RPS6KC1: variants seen among roughly 807,000 people sequenced by gnomAD.
RPS6KC1 encodes the protein inactive ribosomal protein S6 kinase delta-1.
RPS6KC1 carries 54 observed loss-of-function variants against 103.8 expected under a neutral mutation model. That is an observed-to-expected ratio of 0.52 (90% CI 0.42 to 0.65). The LOEUF is 0.65. Among genes scored for constraint, RPS6KC1 ranks in the 30% least tolerant of loss-of-function variants. The pLI, the probability that RPS6KC1 is intolerant of heterozygous loss-of-function variation, is 0.00. For missense variants in RPS6KC1, 1,151 were observed against 1,253.8 expected, an observed-to-expected ratio of 0.92 and a Z score of 1.24; for synonymous variants, 439 against 438.7, an observed-to-expected ratio of 1.00 and a Z score of -0.01.
the RPS6KC1 span, among the ~76,000 whole-genome samples, chr1:213,490,564 A>T: frequency 6.6e-6 from 1 of 152,114 alleles, no homozygotes; most frequent in Non-Finnish European, 1.5e-5. Flanking sequence ...AGTGCAGCAG[A>T]TGGCCCCTTC....
At chr1:213,841,296 T>C in the RPS6KC1 span, 1 of 152,112 alleles carries the variant, frequency 6.6e-6, no homozygotes, top group Non-Finnish European at 1.5e-5. Context: ...TAGCAAGTTG[T>C]TTTTAAAACA....
At chr1:213,084,768 C>A (rs1477884015) in intron 3 of RPS6KC1, among the ~76,000 whole-genome samples, 1 of 151,894 alleles carries the variant, frequency 6.6e-6, no homozygotes, top group East Asian at 1.9e-4. Context: ...GCCTCTCTAT[C>A]CATATCCCTT....
chr1:213,752,322 A>G, the RPS6KC1 span, among the ~76,000 whole-genome samples: 1 of 152,100 alleles, frequency 6.6e-6, no homozygotes, highest in African/African-American at 2.4e-5. Flanking sequence ...CCAAAAACAC[A>G]TCACAGGACC....
At position 213,167,489 on chromosome 1, in the gene RPS6KC1, C is replaced by CACGCACACAA. The variant is rs141541042; in HGVS notation, c.836-368_836-367insCGCACACAAA. On this transcript the variant is annotated intron_variant, in intron 6 of 14. Coordinates refer to ENST00000366960, the MANE Select transcript of RPS6KC1 (RefSeq NM_012424.6). ...ACACACACACACACACACACACACA[C>CACGCACACAA]AACAGCTGTTGCATTTGGTCCTATT... Among the ~76,000 whole-genome samples the CACGCACACAA allele has an allele frequency of 3.7e-4, 47 of 126,180 alleles. 1 individual carries two copies. The South Asian group carries it at 6.2e-3, about 17-fold the overall frequency. The allele number at this position is 126,180 out of a possible 152,430, so 82.8% of individuals were successfully genotyped here.
At chr1:213,474,248 C>T in the RPS6KC1 span, among the ~76,000 whole-genome samples, 1 of 152,130 alleles carries the variant, frequency 6.6e-6, no homozygotes, top group African/African-American at 2.4e-5. Flanking sequence ...GCTGGGCTCT[C>T]CTTGGCCCGG....
the RPS6KC1 span, among the ~76,000 whole-genome samples, chr1:213,510,277 G>A: frequency 1.3e-5 from 2 of 152,166 alleles, no homozygotes; most frequent in Non-Finnish European, 2.9e-5. Flanking sequence ...CCAATCACCA[G>A]ATCCGGAGTA....
At chr1:213,417,002 A>C in the RPS6KC1 span, among the ~76,000 whole-genome samples, 1 of 152,184 alleles carries the variant, frequency 6.6e-6, no homozygotes, top group African/African-American at 2.4e-5. Context: ...GGCCCTGTGC[A>C]CTTTGGGGCA....
At chr1:213,440,501 G>A in the RPS6KC1 span, among the ~76,000 whole-genome samples, 1 of 147,712 alleles carries the variant, frequency 6.8e-6, no homozygotes, top group South Asian at 2.2e-4. Flanking sequence ...TCTTATGAAT[G>A]CTATGATTAA....
the RPS6KC1 span, among the ~76,000 whole-genome samples, chr1:213,847,717 A>G: frequency 5.3e-5 from 8 of 152,076 alleles, no homozygotes; most frequent in Admixed American, 5.2e-4. Context: ...GTTGATGTCT[A>G]TGGTACCCCC....
chr1:213,131,624 A>G (rs1239658220), intron 6 of RPS6KC1, among the ~76,000 whole-genome samples: 36 of 152,002 alleles, frequency 2.4e-4, no homozygotes, highest in Admixed American at 2.4e-3. Flanking sequence ...TTGTATTTTT[A>G]GCAGAAACGG....
the RPS6KC1 span, among the ~76,000 whole-genome samples, chr1:213,493,956 TCAC>T: frequency 2.0e-5 from 3 of 151,990 alleles, no homozygotes; most frequent in Admixed American, 2.0e-4. Context: ...ACCAGCAGAG[TCAC>T]CTTGGAACTT....
chr1:213,251,102 C>CTTTTTTTTTTTTTTTTTTTTTTTTTT (rs1235280521), intron 12 of RPS6KC1, among the ~76,000 whole-genome samples: 1 of 100,210 alleles, frequency 1.0e-5, no homozygotes, highest in Non-Finnish European at 2.0e-5. Context: ...GGTTTTTCAG[C>CTTTTTTTTTTTTTTTTTTTTTTTTTT]TTTTTTTTTT....
chr1:213,753,227 T>A, the RPS6KC1 span, among the ~76,000 whole-genome samples: 1 of 152,132 alleles, frequency 6.6e-6, no homozygotes, highest in African/African-American at 2.4e-5. Flanking sequence ...CATAGGCTAT[T>A]TTAGTGTAAG....
chr1:213,309,013 C>T, the RPS6KC1 span, among the ~76,000 whole-genome samples: 124 of 152,184 alleles, frequency 8.1e-4, no homozygotes, highest in African/African-American at 2.9e-3. Flanking sequence ...AAGAAGAGGC[C>T]GGGCACGGTG....
chr1:213,196,674 G>A (rs1488825547), intron 8 of RPS6KC1, among the ~76,000 whole-genome samples: 2 of 152,168 alleles, frequency 1.3e-5, no homozygotes, highest in Non-Finnish European at 2.9e-5. Context: ...CGAGAGATGA[G>A]GATCTGGTTT....
chr1:213,544,967 A>G, the RPS6KC1 span, among the ~76,000 whole-genome samples: 2 of 152,160 alleles, frequency 1.3e-5, no homozygotes, highest in Non-Finnish European at 1.5e-5. Context: ...AAAGCACCAG[A>G]GACTGGGTGG....
At chr1:213,747,850 T>C in the RPS6KC1 span, among the ~76,000 whole-genome samples, 2 of 152,178 alleles carry the variant, frequency 1.3e-5, no homozygotes, top group African/African-American at 4.8e-5. Flanking sequence ...TTTCTCAAAT[T>C]CAGTGGATGA....
chr1:213,182,740 A>G (rs1422284594), intron 8 of RPS6KC1, among the ~76,000 whole-genome samples: 1 of 149,588 alleles, frequency 6.7e-6, no homozygotes, highest in African/African-American at 2.4e-5. Context: ...TGAGATATAT[A>G]TATGATATAT....
At chr1:213,440,325 G>T in the RPS6KC1 span, among the ~76,000 whole-genome samples, 2 of 152,152 alleles carry the variant, frequency 1.3e-5, no homozygotes, top group Non-Finnish European at 1.5e-5. Context: ...ACCAAATGAT[G>T]TAAGAAAATT....
Sources: allele counts gnomAD v4.1 joint callset (sites outside exome capture counted in the v4.1 genomes callset), GRCh38; gene constraint gnomAD v4.1.1; transcripts MANE v1.5; gene names NCBI Gene and HGNC (gene_info 2026-07-23, HGNC 2026-07-21).